Variants in KLK5 observed in about 807,000 individuals in gnomAD.
The protein encoded by KLK5 is kallikrein related peptidase 5, also known as kallikrein-5.
Under a neutral mutation model 24.0 loss-of-function variants are expected in KLK5, and 18 were observed. The ratio of observed to expected loss-of-function variants is 0.75; its 90% confidence interval spans 0.52 to 1.11. KLK5 has a LOEUF of 1.11. Among genes scored for constraint, KLK5 ranks in the 50% most tolerant of loss-of-function variants. The probability of loss-of-function intolerance (pLI) is 0.00; values close to 1 mark genes in which losing one functional copy is unlikely to be tolerated. For missense variants in KLK5, 374 were observed against 379.2 expected (o/e 0.99, Z 0.11); for synonymous variants, 140 against 154.0 (o/e 0.91, Z 0.67).
intron 5 of KLK5, among the ~76,000 whole-genome samples, chr19:50,944,822 A>T (rs903884203): frequency 6.6e-6 from 1 of 152,136 alleles, no homozygotes; most frequent in African/African-American, 2.4e-5. Flanking sequence ...CTCCCAATAG[A>T]AATCCATTCG....
At position 50,948,522 on chromosome 19, in the gene KLK5, G is replaced by C. The variant is rs895308177; in HGVS notation, c.726+118C>G. The C allele has an allele frequency of 5.1e-6, 5 of 978,618 alleles. No individual in the cohort carries two copies. In the African/African-American group the frequency reaches 8.0e-5, roughly 16 times the overall value. The allele number at this position is 978,618 out of a possible 1,614,324, so 60.6% of individuals were successfully genotyped here. ...ACCACTACTCTAGGGTATGAGCTCT[G>C]TGAGAACAGGGGTCCTGACTGTCTT... On this transcript the variant is annotated intron_variant, in intron 5 of 5. Transcript: ENST00000336334.
intron 5 of KLK5, among the ~76,000 whole-genome samples, chr19:50,945,828 G>C (rs900373922): frequency 1.1e-5 from 1 of 90,246 alleles, no homozygotes; most frequent in African/African-American, 4.0e-5. Context: ...AAATAAATAT[G>C]TACATACTAC....
intron 5 of KLK5, among the ~76,000 whole-genome samples, chr19:50,944,510 G>A (rs1385240398): frequency 6.6e-6 from 1 of 151,940 alleles, no homozygotes; most frequent in Non-Finnish European, 1.5e-5. Context: ...CCTCCAGCCT[G>A]TGCAGGCCTT....
intron 2 of KLK5, among the ~76,000 whole-genome samples, chr19:50,950,858 C>T (rs907620620): frequency 6.7e-5 from 10 of 148,464 alleles, no homozygotes; most frequent in African/African-American, 2.5e-4. Context: ...CGCCACTGCA[C>T]TCCAGCCTGG....
intron 5 of KLK5, 103 bp from the exon 6 acceptor site, chr19:50,943,889 G>A: frequency 1.2e-6 from 1 of 821,486 alleles, no homozygotes; most frequent in Non-Finnish European, 1.9e-6. Flanking sequence ...GAAGCAGATG[G>A]GAACAGACAC....
chr19:50,950,890 C>CAAAA (rs10650166), intron 2 of KLK5, among the ~76,000 whole-genome samples: 21 of 99,862 alleles, frequency 2.1e-4, no homozygotes, highest in African/African-American at 4.1e-4. Flanking sequence ...AGACTGTCTC[C>CAAAA]AAAAAAAAAA....
chr19:50,949,986 G>T lies in KLK5; in HGVS notation c.204C>A (p.Ile68=), dbSNP rs1262563212. Residue 68 remains isoleucine (I), a synonymous_variant, in exon 3 of 6, where the codon ATC becomes ATA. Transcript: ENST00000336334. ...TGTGCATATCGCAGTCGGATCCATTGATGATGCGGCTGCTGCTGTCATCCG... is the reference window on the plus strand; with the variant it reads ...TGTGCATATCGCAGTCGGATCCATTTATGATGCGGCTGCTGCTGTCATCCG... The part of the protein sequence containing the change: ...ARSDDSSSRI[I]NGSDCDMHTQ... 1 of 1,613,686 alleles carries T rather than the reference G, an allele frequency of 6.2e-7. No individual in the cohort carries two copies. The highest frequency in any genetic ancestry group is 8.5e-7 in the Non-Finnish European group (1 of 1,179,998).
At chr19:50,951,359 A>C (rs1475586146) in intron 2 of KLK5, among the ~76,000 whole-genome samples, 1 of 146,104 alleles carries the variant, frequency 6.8e-6, no homozygotes, top group African/African-American at 2.6e-5. Flanking sequence ...CGCAACCTCC[A>C]CCTCCCGGGT....
In KLK5 at chr19:50,943,542, A is replaced by T. The variant is rs1423795640; in HGVS notation, c.*89T>A. On this transcript the variant is annotated 3_prime_UTR_variant, in exon 6 of 6. Transcript: ENST00000336334. ...GGCTGGAGAGATGAACATTCTCAAC[A>T]TCTCTGGGAAGGAATGAGGGTCTGA... is the stretch of plus-strand genomic sequence containing the variant. 7.2e-6 allele frequency: 9 copies of T among 1,250,452 alleles called. No individual in the cohort carries two copies. The highest frequency in any genetic ancestry group is 1.0e-5 in the Non-Finnish European group (9 of 871,876). 77.5% of individuals were successfully genotyped at this position (1,250,452 alleles called of 1,614,324 possible).
At chr19:50,945,489 T>C (rs1213590134) in intron 5 of KLK5, among the ~76,000 whole-genome samples, 1 of 151,558 alleles carries the variant, frequency 6.6e-6, no homozygotes, top group East Asian at 1.9e-4. Context: ...CTGTTTGAGG[T>C]AGAGAGAAAT....
Position 50,950,162 on chromosome 19 carries a change from G to A in KLK5, c.74-46C>T, listed in dbSNP as rs535312281. The stretch of plus-strand genomic sequence containing the variant: ...GGGCGGGGCTCAGAGGCGGGGCTTG[G>A]GCTGGGGGTGGGTTTCAGACTCAAG... On this transcript the variant is annotated intron_variant, in intron 2 of 5. Transcript: ENST00000336334. The A allele has an allele frequency of 4.4e-6, 7 of 1,582,468 alleles. No individual in the cohort carries two copies. The South Asian group carries it at 7.9e-5, about 18-fold the overall frequency.
chr19:50,944,149 G>A (rs1003526233), intron 5 of KLK5, among the ~76,000 whole-genome samples: 2 of 151,992 alleles, frequency 1.3e-5, no homozygotes, highest in African/African-American at 4.8e-5. Flanking sequence ...GACTACAGGT[G>A]TCCATCACCA....
chr19:50,950,108 G>A lies in KLK5; in HGVS notation c.82C>T (p.Leu28Phe). The A allele has an allele frequency of 6.2e-7, 1 of 1,605,520 alleles. No homozygotes were observed. Among genetic ancestry groups the A allele is most frequent in the South Asian group, 1.1e-5 (1 of 91,018 alleles). Residue 28 changes from leucine to phenylalanine, a missense_variant, in exon 3 of 6, where the codon CTC becomes TTC. Leu to Phe is a conservative substitution (Grantham distance 22). Coordinates refer to ENST00000336334, the MANE Select transcript of KLK5 (RefSeq NM_012427.5). Reference protein sequence around the residue: ...ALLLGVTEHVLANNDVSCDHP... With the variant: ...ALLLGVTEHVFANNDVSCDHP... ...TCACAGGAAACATCATTGTTGGCGA[G>A]AACATGCTCTGGGAACGGAAAATGG...
intron 2 of KLK5, among the ~76,000 whole-genome samples, chr19:50,952,183 A>ATATGTATATGTATC (rs61409696): frequency 2.0e-5 from 3 of 151,156 alleles, no homozygotes; most frequent in African/African-American, 7.3e-5. Flanking sequence ...AGGGACAGGA[A>ATATGTATATGTATC]CTGCAGATAC....
chr19:50,944,343 A>C (rs2090613073), intron 5 of KLK5, among the ~76,000 whole-genome samples: 2 of 150,868 alleles, frequency 1.3e-5, no homozygotes, highest in Admixed American at 1.3e-4. Flanking sequence ...GTCACTCTCC[A>C]CTCCATCTTC....
chr19:50,944,400 G>A (rs2090613547), intron 5 of KLK5, among the ~76,000 whole-genome samples: 1 of 152,054 alleles, frequency 6.6e-6, no homozygotes, highest in African/African-American at 2.4e-5. Context: ...GGGGGTCTGT[G>A]ACCCTTCCTC....
At position 50,947,921 on chromosome 19, in the gene KLK5, G is replaced by A. The variant is rs1482428522; in HGVS notation, c.726+719C>T. The stretch of plus-strand genomic sequence containing the variant: ...ACTGCTAGCCACATGTGGCTACTGA[G>A]CACCTGAAATGTAGCTAGTCCAAAT... On this transcript the variant is annotated intron_variant, in intron 5 of 5. Coordinates refer to ENST00000336334, the MANE Select transcript of KLK5 (RefSeq NM_012427.5). The surrounding 1 kb of genome is among the most constrained non-coding windows in gnomAD (Gnocchi z 8.7). Among the ~76,000 whole-genome samples the A allele has an allele frequency of 2.0e-5, 3 of 152,152 alleles. No homozygotes were observed. The highest frequency in any genetic ancestry group is 7.2e-5 in the African/African-American group (3 of 41,428).
Position 50,947,236 on chromosome 19 carries a change from G to A in KLK5, c.726+1404C>T, listed in dbSNP as rs961290130. On this transcript the variant is annotated intron_variant, in intron 5 of 5. Transcript: ENST00000336334. The surrounding 1 kb of genome is among the most constrained non-coding windows in gnomAD (Gnocchi z 8.7). ...ACCAAGAAATACTTGCAGAGCATTC[G>A]CCCCTGCCTACACCTCCAGCGTCAC... Among the ~76,000 whole-genome samples the A allele has an allele frequency of 5.3e-5, 8 of 152,284 alleles. No individual in the cohort carries two copies. The highest frequency in any genetic ancestry group is 3.9e-4 in the East Asian group (2 of 5,178).
chr19:50,948,716 C>T lies in KLK5; in HGVS notation c.650G>A (p.Cys217Tyr), dbSNP rs755719836. 6.2e-6 allele frequency: 10 copies of T among 1,614,050 alleles called. No homozygotes were observed. The highest frequency in any genetic ancestry group is 7.6e-6 in the Non-Finnish European group (9 of 1,180,046). ...LNISVLSQKR[C>Y]EDAYPRQIDD... ...TATCTGTCTCGGGTAAGCATCCTCGCACCTTTTCTGACTTAGCACGCTGAT... is the reference window on the plus strand; with the variant it reads ...TATCTGTCTCGGGTAAGCATCCTCGTACCTTTTCTGACTTAGCACGCTGAT... Residue 217 changes from cysteine (C) to tyrosine (Y), a missense_variant, in exon 5 of 6, where the codon TGC (cysteine) becomes TAC (tyrosine). Coordinates refer to ENST00000336334, the MANE Select transcript of KLK5 (RefSeq NM_012427.5).
Sources: gnomAD v4.1 joint callset for allele counts (sites outside exome capture counted in the v4.1 genomes callset) on GRCh38, gnomAD v4.1.1 for gene constraint, Gnocchi (gnomAD v3.1) non-coding constraint, MANE v1.5 for transcripts, NCBI Gene and HGNC (gene_info 2026-07-23, HGNC 2026-07-21) for gene names.